KAZN: variants seen among roughly 807,000 people sequenced by gnomAD.
KAZN encodes kazrin.
In KAZN, 40 loss-of-function variants were observed where a neutral mutation model predicts 87.4. That is an observed-to-expected ratio of 0.46 (90% CI 0.36 to 0.60). The LOEUF (loss-of-function observed/expected upper bound fraction) is 0.60. Among genes scored for constraint, KAZN ranks in the 20% least tolerant of loss-of-function variants. The probability of loss-of-function intolerance (pLI) is 0.00; values close to 1 mark genes in which losing one functional copy is unlikely to be tolerated. For synonymous variants in KAZN, 466 were observed against 458.3 expected, an observed-to-expected ratio of 1.02 and a Z score of -0.22; for missense variants, 898 against 1,073.9, an observed-to-expected ratio of 0.84 and a Z score of 2.29.
At chr1:14,492,751 T>TGTGCACACACATCACACACACCACAC (rs1571785442) in intron 2 of KAZN, among the ~76,000 whole-genome samples, 1 of 40,996 alleles carries the variant, frequency 2.4e-5, no homozygotes, top group African/African-American at 9.6e-5. Flanking sequence ...ACACACCACA[T>TGTGCACACACATCACACACACCACAC]GTGCACACAC....
chr1:14,775,859 C>T lies in KAZN; in HGVS notation c.226+176636C>T, dbSNP rs182048021. Among the ~76,000 whole-genome samples, 516 of 152,284 alleles carry T rather than the reference C, an allele frequency of 3.4e-3. 2 individuals are homozygous for T. Among genetic ancestry groups the T allele is most frequent in the African/African-American group, 0.012 (481 of 41,568 alleles). ...CTCCTAAAGGGAGGGTCCGGGCCACCGGGTCCAGTCTTTACACTTGAAGGC... is the reference window on the plus strand; with the variant it reads ...CTCCTAAAGGGAGGGTCCGGGCCACTGGGTCCAGTCTTTACACTTGAAGGC... On this transcript the variant is annotated intron_variant, in intron 1 of 14. Coordinates refer to ENST00000376030, the MANE Select transcript of KAZN (RefSeq NM_201628.3).
At chr1:14,810,383 T>A (rs1646369184) in intron 1 of KAZN, among the ~76,000 whole-genome samples, 1 of 152,136 alleles carries the variant, frequency 6.6e-6, no homozygotes, top group South Asian at 2.1e-4. Context: ...TTGGCTGATT[T>A]TCTGCTCAGG....
chr1:14,727,968 G>A (rs566566987), intron 1 of KAZN, among the ~76,000 whole-genome samples: 1 of 151,982 alleles, frequency 6.6e-6, no homozygotes, highest in African/African-American at 2.4e-5. Flanking sequence ...TGCGCAGTTC[G>A]CAATAGGGTT....
At chr1:13,999,360 CAAAAA>C (rs1239345273) in intron 1 of KAZN, among the ~76,000 whole-genome samples, 3 of 148,400 alleles carry the variant, frequency 2.0e-5, no homozygotes, top group Non-Finnish European at 4.4e-5. Flanking sequence ...AAACAAAAAA[CAAAAA>C]ACAAAAAACA....
At chr1:14,319,008 ATTTTTATTTATTTATT>A (rs1557636784) in intron 2 of KAZN, among the ~76,000 whole-genome samples, 3 of 125,752 alleles carry the variant, frequency 2.4e-5, no homozygotes, top group African/African-American at 9.7e-5. Flanking sequence ...TTGACCTTTT[ATTTTTATTTATTTATT>A]TATTTATTTA....
chr1:14,262,497 A>G (rs1182329639), intron 2 of KAZN, among the ~76,000 whole-genome samples: 2 of 152,250 alleles, frequency 1.3e-5, no homozygotes, highest in African/African-American at 2.4e-5. Context: ...CTTCACCTCT[A>G]CTTACTTTGC....
intron 1 of KAZN, among the ~76,000 whole-genome samples, chr1:14,831,696 G>A (rs566899260): frequency 6.6e-6 from 1 of 152,306 alleles, no homozygotes; most frequent in African/African-American, 2.4e-5. Flanking sequence ...TGGACTCTGA[G>A]CTAAGAGAGC....
chr1:14,276,160 G>GGGGTGTGT (rs1322308830), intron 2 of KAZN, among the ~76,000 whole-genome samples: 8 of 135,692 alleles, frequency 5.9e-5, no homozygotes, highest in Non-Finnish European at 6.7e-5. Context: ...TCGCTATAAG[G>GGGGTGTGT]GTGTGTGTGT....
At chr1:14,468,801 C>T (rs1668296915) in intron 2 of KAZN, among the ~76,000 whole-genome samples, 1 of 152,186 alleles carries the variant, frequency 6.6e-6, no homozygotes, top group Non-Finnish European at 1.5e-5. Context: ...TTTGCCCGCC[C>T]AGGCATCTCT....
chr1:14,850,201 T>G (rs1649280168), intron 1 of KAZN, among the ~76,000 whole-genome samples: 1 of 152,180 alleles, frequency 6.6e-6, no homozygotes, highest in Non-Finnish European at 1.5e-5. Flanking sequence ...CCCAAAGTGC[T>G]GGGATTATAG....
rs1343213666 is a variant in KAZN, at chr1:15,116,746, TA to T, written c.*2112del. 6.6e-6 allele frequency: 1 copy of T among 152,210 alleles called. No homozygotes were observed. Among genetic ancestry groups the T allele is most frequent in the East Asian group, 1.9e-4 (1 of 5,188 alleles). The allele number at this position is 152,210 out of a possible 1,614,324, so 9.4% of individuals were successfully genotyped here. ...ATTCCCACAGAGTGAGCCAGAATTG[TA>T]GCAGGGCACTTGAATGCAGAGCTGA... On this transcript the variant is annotated 3_prime_UTR_variant, in exon 15 of 15. Coordinates refer to ENST00000376030, the MANE Select transcript of KAZN (RefSeq NM_201628.3).
At chr1:14,020,546 G>T (rs527925412) in intron 1 of KAZN, among the ~76,000 whole-genome samples, 1 of 152,298 alleles carries the variant, frequency 6.6e-6, no homozygotes, top group East Asian at 1.9e-4. Flanking sequence ...GTAAAACTGT[G>T]TTAAAGTGAC....
intron 2 of KAZN, among the ~76,000 whole-genome samples, chr1:14,487,401 G>A (rs1384603221): frequency 1.3e-5 from 2 of 152,140 alleles, no homozygotes; most frequent in Non-Finnish European, 2.9e-5. Flanking sequence ...AAAGATACAT[G>A]AGAAAAATCT....
intron 2 of KAZN, among the ~76,000 whole-genome samples, chr1:14,394,105 T>G (rs1662688111): frequency 6.6e-6 from 1 of 152,304 alleles, no homozygotes; most frequent in South Asian, 2.1e-4. Flanking sequence ...AAGAACCTTT[T>G]TTATGGTGAG....
At chr1:14,205,884 C>CAAAAAAATAAAAAAAAAAAAAAAA (rs1646730135) in intron 2 of KAZN, among the ~76,000 whole-genome samples, 1 of 35,220 alleles carries the variant, frequency 2.8e-5, no homozygotes, top group Non-Finnish European at 4.4e-5. Context: ...GACACTGTCT[C>CAAAAAAATAAAAAAAAAAAAAAAA]AAAAAAAAAA....
At chr1:14,539,089 G>A (rs527996278) in intron 2 of KAZN, among the ~76,000 whole-genome samples, 1 of 152,176 alleles carries the variant, frequency 6.6e-6, no homozygotes, top group Non-Finnish European at 1.5e-5. Context: ...AAAGCATTAA[G>A]TCCCATTCCT....
chr1:14,158,204 T>A (rs1443877567), intron 1 of KAZN, among the ~76,000 whole-genome samples: 1 of 152,240 alleles, frequency 6.6e-6, no homozygotes, highest in Admixed American at 6.5e-5. Context: ...CTCCTATCTC[T>A]TTCTCTACCT....
chr1:14,126,234 T>C (rs977917343), intron 1 of KAZN, among the ~76,000 whole-genome samples: 1 of 152,172 alleles, frequency 6.6e-6, no homozygotes, highest in Non-Finnish European at 1.5e-5. Context: ...AACACCTTTC[T>C]CTCATTGTGG....
At chr1:14,779,673 C>G (rs1490725317) in intron 1 of KAZN, among the ~76,000 whole-genome samples, 3 of 152,170 alleles carry the variant, frequency 2.0e-5, no homozygotes, top group African/African-American at 7.2e-5. Flanking sequence ...CTGACAGGCT[C>G]TCTTCTATGA....
Sources: allele counts gnomAD v4.1 joint callset (sites outside exome capture counted in the v4.1 genomes callset), GRCh38; gene constraint gnomAD v4.1.1; transcripts MANE v1.5; gene names NCBI Gene and HGNC (gene_info 2026-07-23, HGNC 2026-07-21).